PNPO: variants seen among roughly 807,000 people sequenced by gnomAD.
The protein encoded by PNPO is pyridoxine-5'-phosphate oxidase.
PNPO carries 39 observed loss-of-function variants against 35.0 expected under a neutral mutation model. The observed-to-expected ratio is 1.11, with a 90% confidence interval of 0.86 to 1.45. PNPO has a LOEUF of 1.45. Among genes scored for constraint, PNPO ranks in the 40% most tolerant of loss-of-function variants. The probability of loss-of-function intolerance (pLI) is 0.00; values close to 1 mark genes in which losing one functional copy is unlikely to be tolerated. For synonymous variants in PNPO, 115 were observed against 119.8 expected, an observed-to-expected ratio of 0.96 and a Z score of 0.26; for missense variants, 288 against 340.0, an observed-to-expected ratio of 0.85 and a Z score of 1.20.
chr17:47,943,543 C>G, intron 2 of PNPO, 113 bp downstream of exon 2: 1 of 1,342,530 alleles, frequency 7.4e-7, no homozygotes, highest in East Asian at 2.4e-5. Context: ...TTAACATGCT[C>G]TGTGGCTTTA....
chr17:47,945,718 G>A lies in PNPO; in HGVS notation c.417+106G>A. 1.4e-6 allele frequency: 2 copies of A among 1,444,368 alleles called. No homozygotes were observed. Among genetic ancestry groups the A allele is most frequent in the African/African-American group, 1.4e-5 (1 of 71,784 alleles). The allele number at this position is 1,444,368 out of a possible 1,614,324, so 89.5% of individuals were successfully genotyped here. A position where few individuals can be genotyped will look rare whatever the true frequency, so the allele number is the denominator to read the frequency against. On this transcript the variant is annotated intron_variant, in intron 4 of 6. Transcript: ENST00000642017. The surrounding 1 kb of genome is among the most constrained non-coding windows in gnomAD (Gnocchi z 4.0). ...CCAGACTGGGCAAACATCCCAGCTGGGCACTCTGCCTCTAAAATAGCCCTC... is the reference window on the plus strand; with the variant it reads ...CCAGACTGGGCAAACATCCCAGCTGAGCACTCTGCCTCTAAAATAGCCCTC...
chr17:47,944,918 C>A, intron 3 of PNPO: 1 of 626,256 alleles, frequency 1.6e-6, no homozygotes, highest in Non-Finnish European at 2.9e-6. Flanking sequence ...ACCCCATCAG[C>A]CATGACCTGT....
intron 3 of PNPO, chr17:47,944,949 A>G (rs1483325451): frequency 5.2e-6 from 3 of 579,364 alleles, no homozygotes; most frequent in Non-Finnish European, 9.4e-6. Flanking sequence ...CTCAGCCCAC[A>G]TGTTACCTCC....
At position 47,943,361 on chromosome 17, in the gene PNPO, G is replaced by T. The variant is rs2035968435; in HGVS notation, c.194G>T (p.Trp65Leu). The part of the protein sequence containing the change: ...SLDPVKQFAA[W>L]FEEAVQCPDI... ...GACCCAGTGAAACAGTTTGCTGCCT[G>T]GTTTGAGGAGGCTGTTCAGTGTCCT... The change falls in exon 2 of 7, where the codon TGG becomes TTG. Residue 65 changes from tryptophan (W) to leucine (L), a missense_variant. Coordinates refer to ENST00000642017, the MANE Select transcript of PNPO (RefSeq NM_018129.4). 1 of 1,613,946 alleles carries T rather than the reference G, an allele frequency of 6.2e-7. No homozygotes were observed. The highest frequency in any genetic ancestry group is 1.3e-5 in the African/African-American group (1 of 74,946).
intron 1 of PNPO, among the ~76,000 whole-genome samples, chr17:47,942,888 C>T (rs1311215049): frequency 2.0e-5 from 3 of 152,046 alleles, no homozygotes; most frequent in Admixed American, 6.6e-5. Flanking sequence ...ATCACACCAC[C>T]GCACTCCAGC....
rs1567714242 is a variant in PNPO, at chr17:47,946,743, CGG to C, written c.750_751del (p.Glu251GlyfsTer6). ...DSPLGPMTHR[G>X]EEDWLYERLA... ...CCCCTTTGGGGCCCATGACCCACCG[CGG>C]GGAGGAAGACTGGCTCTATGAGAGA... On this transcript the variant is annotated frameshift_variant, in exon 7 of 7. Coordinates refer to ENST00000642017, the MANE Select transcript of PNPO (RefSeq NM_018129.4). LOFTEE classifies it high-confidence loss of function. The C allele has an allele frequency of 6.2e-7, 1 of 1,614,152 alleles. No homozygotes were observed. The highest frequency in any genetic ancestry group is 2.2e-5 in the East Asian group (1 of 44,884).
chr17:47,944,201 G>T, intron 2 of PNPO, among the ~76,000 whole-genome samples: 1 of 12,824 alleles, frequency 7.8e-5, no homozygotes, highest in African/African-American at 2.8e-4. Context: ...ACTGCCTTTC[G>T]TGTGTGTGTG....
At chr17:47,942,999 G>A (rs140882536) in intron 1 of PNPO, among the ~76,000 whole-genome samples, 119 of 152,310 alleles carry the variant, frequency 7.8e-4, no homozygotes, top group Non-Finnish European at 1.6e-3. Context: ...AATTTTGGGG[G>A]TGGAGCCCAG....
At position 47,948,671 on chromosome 17, in the gene PNPO, C is replaced by T. The variant is rs933887793; in HGVS notation, c.*1889C>T. 6.6e-6 allele frequency: 1 copy of T among 152,288 alleles called. No individual in the cohort carries two copies. Among genetic ancestry groups the T allele is most frequent in the African/African-American group, 2.4e-5 (1 of 41,454 alleles). The allele number at this position is 152,288 out of a possible 1,614,324, so 9.4% of individuals were successfully genotyped here. A position where few individuals can be genotyped will look rare whatever the true frequency, so the allele number is the denominator to read the frequency against. ...TTTTCACTAGACCCCAGGTGATCAG[C>T]TGCACTAGACTCAACCTCTAAACCA... On this transcript the variant is annotated 3_prime_UTR_variant, in exon 7 of 7. Coordinates refer to ENST00000642017, the MANE Select transcript of PNPO (RefSeq NM_018129.4).
chr17:47,947,506 T>G lies in PNPO; in HGVS notation c.*724T>G, dbSNP rs2036026722. The G allele has an allele frequency of 1.3e-5, 2 of 151,212 alleles. No homozygotes were observed. The highest frequency in any genetic ancestry group is 2.9e-5 in the Non-Finnish European group (2 of 68,070). 9.4% of individuals were successfully genotyped at this position (151,212 alleles called of 1,614,324 possible). ...ACTAACTCATTTACGGATAGGACTT[T>G]TTTTTTTCTTTTTTTCTTTTTTCTT... On this transcript the variant is annotated 3_prime_UTR_variant, in exon 7 of 7. Coordinates refer to ENST00000642017, the MANE Select transcript of PNPO (RefSeq NM_018129.4).
In PNPO at chr17:47,945,629, A is replaced by T. The variant is rs757917539; in HGVS notation, c.417+17A>T. 6 of 1,607,540 alleles carry T rather than the reference A, an allele frequency of 3.7e-6. No homozygotes were observed. The highest frequency in any genetic ancestry group is 3.3e-5 in the Admixed American group (2 of 60,004). On this transcript the variant is annotated intron_variant, in intron 4 of 6. Transcript: ENST00000642017. The surrounding 1 kb of genome is among the most constrained non-coding windows in gnomAD (Gnocchi z 4.0). ...AACCGTCAGGTGAGTGAATTTTCCC[A>T]GGACAGCCTGGGATGGGCTGGGTTG... is the stretch of plus-strand genomic sequence containing the variant.
Position 47,949,288 on chromosome 17 carries a change from G to A in PNPO, c.*2506G>A, listed in dbSNP as rs1214127776. 1 of 152,190 alleles carries A rather than the reference G, an allele frequency of 6.6e-6. No homozygotes were observed. The highest frequency in any genetic ancestry group is 2.4e-5 in the African/African-American group (1 of 41,424). The allele number at this position is 152,190 out of a possible 1,614,324, so 9.4% of individuals were successfully genotyped here. On this transcript the variant is annotated 3_prime_UTR_variant, in exon 7 of 7. Coordinates refer to ENST00000642017, the MANE Select transcript of PNPO (RefSeq NM_018129.4). Reference sequence around the variant, plus strand: ...TTACCGCCCCCAGTCTGTAATAAAAGCCTATCAGCCGTGCACTTTATTGAT... The same window carrying A: ...TTACCGCCCCCAGTCTGTAATAAAAACCTATCAGCCGTGCACTTTATTGAT...
chr17:47,945,626 C>A lies in PNPO; in HGVS notation c.417+14C>A, dbSNP rs2035997143. On this transcript the variant is annotated intron_variant, in intron 4 of 6. Coordinates refer to ENST00000642017, the MANE Select transcript of PNPO (RefSeq NM_018129.4). The surrounding 1 kb of genome is among the most constrained non-coding windows in gnomAD (Gnocchi z 4.0). Reference sequence around the variant, plus strand: ...CTTAACCGTCAGGTGAGTGAATTTTCCCAGGACAGCCTGGGATGGGCTGGG... The same window carrying A: ...CTTAACCGTCAGGTGAGTGAATTTTACCAGGACAGCCTGGGATGGGCTGGG... 2 of 1,607,566 alleles carry A rather than the reference C, an allele frequency of 1.2e-6. No individual in the cohort carries two copies. The highest frequency in any genetic ancestry group is 1.7e-6 in the Non-Finnish European group (2 of 1,174,086).
At chr17:47,942,220 C>T (rs1283128365) in intron 1 of PNPO, 1 of 181,728 alleles carries the variant, frequency 5.5e-6, no homozygotes, top group Non-Finnish European at 1.1e-5. Flanking sequence ...GGTCAAATAA[C>T]TTGCTCAGTC....
rs868402573 is a variant in PNPO at position 47,944,742 on chromosome 17, C to T, written c.363+27C>T. ...TGGGTGAAAAGAGCTAGTAATCTTTCCCAGGGCCTGCAGGGTTTGGCTCTT... is the reference window on the plus strand; with the variant it reads ...TGGGTGAAAAGAGCTAGTAATCTTTTCCAGGGCCTGCAGGGTTTGGCTCTT... On this transcript the variant is annotated intron_variant, in intron 3 of 6. Transcript: ENST00000642017. 2.6e-6 allele frequency: 4 copies of T among 1,565,682 alleles called. No homozygotes were observed. In the Middle Eastern group the frequency reaches 5.0e-4, roughly 197 times the overall value.
In PNPO at chr17:47,943,389, C is replaced by T. The variant is rs1402091793; in HGVS notation, c.222C>T (p.Asp74=). The change falls in exon 2 of 7, where the codon GAC becomes GAT. Residue 74 remains aspartate, a synonymous_variant. Coordinates refer to ENST00000642017, the MANE Select transcript of PNPO (RefSeq NM_018129.4). ...AWFEEAVQCP[D]IGEANAMCLA... ...TTGAGGAGGCTGTTCAGTGTCCTGA[C>T]ATAGGGGAAGCCAATGCCATGTGTC... The T allele has an allele frequency of 1.2e-6, 2 of 1,614,028 alleles. No individual in the cohort carries two copies. Among genetic ancestry groups the T allele is most frequent in the Admixed American group, 3.3e-5 (2 of 60,022 alleles).
Position 47,946,834 on chromosome 17 carries a change from G to T in PNPO, c.*52G>T. The T allele has an allele frequency of 6.4e-7, 1 of 1,563,604 alleles. No individual in the cohort carries two copies. The highest frequency in any genetic ancestry group is 8.8e-7 in the Non-Finnish European group (1 of 1,137,762). ...AGCTAGGGCTAGGTGTCAAGAGAGG[G>T]TGTGGGATTGGGACCCAGGCCCTTC... On this transcript the variant is annotated 3_prime_UTR_variant, in exon 7 of 7. Transcript: ENST00000642017.
intron 3 of PNPO, 160 bp downstream of exon 3, chr17:47,944,875 A>G: frequency 2.9e-6 from 2 of 695,760 alleles, no homozygotes; most frequent in East Asian, 2.7e-5. Context: ...GCTCTTTGCC[A>G]TAAATGAATG....
At chr17:47,944,531 G>A in intron 2 of PNPO, 85 bp from the exon 3 acceptor site, 7 of 1,026,850 alleles carry the variant, frequency 6.8e-6, no homozygotes, top group Non-Finnish European at 1.1e-5. Context: ...GCTGGAGGGG[G>A]TGCTGAGACA....
Sources: allele counts gnomAD v4.1 joint callset (sites outside exome capture counted in the v4.1 genomes callset), GRCh38; gene constraint gnomAD v4.1.1; non-coding constraint Gnocchi (gnomAD v3.1); transcripts MANE v1.5; gene names NCBI Gene and HGNC (gene_info 2026-07-23, HGNC 2026-07-21).